KCNH3: variants seen among roughly 807,000 people sequenced by gnomAD.
The protein encoded by KCNH3 is voltage-gated inwardly rectifying potassium channel KCNH3.
Under a neutral mutation model 95.6 loss-of-function variants are expected in KCNH3, and 36 were observed. That is an observed-to-expected ratio of 0.38 (90% CI 0.29 to 0.50). The LOEUF (loss-of-function observed/expected upper bound fraction) is 0.50, where lower values mean the gene tolerates loss of function less well. Ranked by LOEUF, KCNH3 falls within the 20% of genes least tolerant of loss-of-function variation. KCNH3 has a pLI of 0.95. For synonymous variants in KCNH3, 620 were observed against 646.3 expected (o/e 0.96, Z 0.62); for missense variants, 1,030 against 1,484.1 (o/e 0.69, Z 5.03).
chr12:49,544,456 G>A, intron 7 of KCNH3, 74 bp downstream of exon 7: 2 of 1,436,272 alleles, frequency 1.4e-6, no homozygotes, highest in East Asian at 4.5e-5. Flanking sequence ...CGTGGGTGCA[G>A]ATGTGTGGTG....
At chr12:49,546,814 C>A (rs1938078083) in intron 7 of KCNH3, among the ~76,000 whole-genome samples, 1 of 152,242 alleles carries the variant, frequency 6.6e-6, no homozygotes, top group Non-Finnish European at 1.5e-5. Flanking sequence ...CCCACCTTCC[C>A]TATCCTGGGC....
At chr12:49,544,141 T>TACCAAACCAA in intron 6 of KCNH3, 34 bp from the exon 7 acceptor site, 2 of 1,413,416 alleles carry the variant, frequency 1.4e-6, no homozygotes, top group Non-Finnish European at 1.9e-6. Flanking sequence ...CCCGCTGACC[T>TACCAAACCAA]CCCTCCCTCC....
chr12:49,549,286 C>T, intron 8 of KCNH3, 113 bp downstream of exon 8: 2 of 1,459,172 alleles, frequency 1.4e-6, no homozygotes, highest in Non-Finnish European at 9.2e-7. Context: ...CTTTAGGTGG[C>T]CGCGGAACCC....
At chr12:49,541,576 C>T (rs963393126) in intron 2 of KCNH3, 54 bp from the exon 3 acceptor site, 3 of 1,592,200 alleles carry the variant, frequency 1.9e-6, no homozygotes, top group African/African-American at 2.7e-5. Context: ...GGGCCTCTGT[C>T]ACCTCAGGCA....
At chr12:49,550,872 A>T (rs542046150) in intron 10 of KCNH3, among the ~76,000 whole-genome samples, 5 of 152,308 alleles carry the variant, frequency 3.3e-5, no homozygotes, top group South Asian at 2.1e-4. Flanking sequence ...GAAAAGAAGG[A>T]GGTGAAAAAG....
intron 7 of KCNH3, among the ~76,000 whole-genome samples, chr12:49,546,462 C>T (rs1045853766): frequency 6.6e-6 from 1 of 152,118 alleles, no homozygotes; most frequent in Non-Finnish European, 1.5e-5. Context: ...GGGTGGGCAG[C>T]TGGCCCAGTT....
chr12:49,553,884 C>T (rs1310357165), intron 10 of KCNH3, among the ~76,000 whole-genome samples: 4 of 152,232 alleles, frequency 2.6e-5, no homozygotes, highest in African/African-American at 9.6e-5. Flanking sequence ...GGACAAGCTG[C>T]ATCTGAATCA....
chr12:49,548,078 G>A (rs901462736), intron 7 of KCNH3, among the ~76,000 whole-genome samples: 28 of 151,206 alleles, frequency 1.9e-4, no homozygotes, highest in Non-Finnish European at 3.2e-4. Context: ...TCCGTGGCCC[G>A]GTCTAGCCTG....
chr12:49,545,403 CTTTT>C (rs869243854), intron 7 of KCNH3, among the ~76,000 whole-genome samples: 3 of 117,472 alleles, frequency 2.6e-5, no homozygotes, highest in Non-Finnish European at 5.0e-5. Context: ...ATGCAGGTGG[CTTTT>C]TTTTTTTTTT....
chr12:49,554,513 G>C lies in KCNH3; in HGVS notation c.2095G>C (p.Glu699Gln). ...GCGCTTCAGTCGTGGCCTCCGAGGG[G>C]AGCTCAGCTACAACCTGGGTGCTGG... ...APRFSRGLRG[E>Q]LSYNLGAGGG... Residue 699 changes from glutamate (E) to glutamine (Q), a missense_variant, in exon 11 of 15, where the codon GAG becomes CAG. Physicochemically the swap from Glu to Gln is conservative, Grantham distance 29. Transcript: ENST00000257981. 1.9e-6 allele frequency: 3 copies of C among 1,613,622 alleles called. No homozygotes were observed. Among genetic ancestry groups the C allele is most frequent in the Non-Finnish European group, 2.5e-6 (3 of 1,179,874 alleles).
Position 49,542,836 on chromosome 12 carries a change from TA to T in KCNH3, c.578del (p.Lys193ArgfsTer15). 1 of 1,607,174 alleles carries T rather than the reference TA, an allele frequency of 6.2e-7. No homozygotes were observed. The highest frequency in any genetic ancestry group is 8.5e-7 in the Non-Finnish European group (1 of 1,177,894). ...KQPKGKHKLN[K>X]GVFGEKPNLP... ...AGCCCAAGGGCAAGCACAAGCTCAA[TA>T]AGGTGGGCTCAGCCCTGGGATGTGT... On this transcript the variant is annotated frameshift_variant and splice_region_variant, in exon 4 of 15. Transcript: ENST00000257981. LOFTEE classifies it high-confidence loss of function.
At position 49,539,394 on chromosome 12, in the gene KCNH3, GC is replaced by G; in HGVS notation, c.-22del. ...AGTCCCCGCACCCCGGAGGGATGGG[GC>G]GGGCAGCCGCGGGCGCCTAAGATGC... On this transcript the variant is annotated 5_prime_UTR_variant, in exon 1 of 15. An upstream open reading frame in the 5' UTR loses its in-frame stop. Transcript: ENST00000257981. The surrounding 1 kb of genome is among the most constrained non-coding windows in gnomAD (Gnocchi z 6.7). 1 of 1,520,204 alleles carries G rather than the reference GC, an allele frequency of 6.6e-7. No homozygotes were observed. Among genetic ancestry groups the G allele is most frequent in the Non-Finnish European group, 8.8e-7 (1 of 1,140,042 alleles). The allele number at this position is 1,520,204 out of a possible 1,614,324, so 94.2% of individuals were successfully genotyped here.
Position 49,557,200 on chromosome 12 carries a change from G to C in KCNH3, c.2593G>C (p.Val865Leu). Residue 865 changes from valine (V) to leucine (L), a missense_variant, in exon 14 of 15, where the codon GTT becomes CTT. Physicochemically the swap from Val to Leu is conservative, Grantham distance 32. Around this residue, in one of 9 missense-constraint regions of KCNH3, gnomAD observed 464 missense variants for 493.2 expected, o/e 0.94. Coordinates refer to ENST00000257981, the MANE Select transcript of KCNH3 (RefSeq NM_012284.3). ...SPGPESGLLTVPHGPSEARNT... is the reference protein window; with the variant it reads ...SPGPESGLLTLPHGPSEARNT... ...ACCCACAGAGAGCGGCCTGCTCACT[G>C]TTCCCCATGGGCCCAGCGAGGCAAG... 3.7e-6 allele frequency: 6 copies of C among 1,613,954 alleles called. No individual in the cohort carries two copies. Among genetic ancestry groups the C allele is most frequent in the Non-Finnish European group, 5.1e-6 (6 of 1,179,982 alleles).
At position 49,555,327 on chromosome 12, in the gene KCNH3, C is replaced by T. The variant is rs187299346; in HGVS notation, c.2137-293C>T. 1.4e-3 allele frequency among the ~76,000 whole-genome samples: 211 copies of T among 150,792 alleles called. 1 individual carries two copies. Among genetic ancestry groups the T allele is most frequent in the Admixed American group, 3.1e-3 (47 of 15,146 alleles). ...ATGAGCCGGGTGTGGTGGCGGGCGC[C>T]TGTAGTCCCAGCTACAGGCTGAGGC... On this transcript the variant is annotated intron_variant, in intron 11 of 14. Transcript: ENST00000257981.
chr12:49,552,286 C>T (rs1356499906), intron 10 of KCNH3, among the ~76,000 whole-genome samples: 1 of 152,194 alleles, frequency 6.6e-6, no homozygotes, highest in Non-Finnish European at 1.5e-5. Flanking sequence ...CCAGGCACCA[C>T]GTCTCAGAAT....
rs1937775828 is a variant in KCNH3 at position 49,539,099 on chromosome 12, G to A, written c.-318G>A. ...CGGCGCCGAGCGAAGCCGAGCGGAA[G>A]CCCACCCGCAGCCGACACGCGAGCC... is the stretch of plus-strand genomic sequence containing the variant. On this transcript the variant is annotated 5_prime_UTR_variant, in exon 1 of 15. Coordinates refer to ENST00000257981, the MANE Select transcript of KCNH3 (RefSeq NM_012284.3). This position sits in a 1 kb window ranked among gnomAD's most constrained non-coding sequence, Gnocchi z 6.7. 6.6e-6 allele frequency: 1 copy of A among 152,420 alleles called. No homozygotes were observed. The highest frequency in any genetic ancestry group is 1.5e-5 in the Non-Finnish European group (1 of 68,116). 9.4% of individuals were successfully genotyped at this position (152,420 alleles called of 1,614,324 possible).
Position 49,557,756 on chromosome 12 carries a change from C to T in KCNH3, c.3055C>T (p.Pro1019Ser), listed in dbSNP as rs1938526689. Residue 1019 changes from proline (P) to serine (S), a missense_variant, in exon 15 of 15, where the codon CCT (proline) becomes TCT (serine). Pro to Ser is a moderately conservative substitution (Grantham distance 74). Coordinates refer to ENST00000257981, the MANE Select transcript of KCNH3 (RefSeq NM_012284.3). Reference sequence around the variant, plus strand: ...TGAGCCCAGCACCCCTGCCTCCCCTCCTCCTTCTGAGGAAGGGGCTAGGAC... The same window carrying T: ...TGAGCCCAGCACCCCTGCCTCCCCTTCTCCTTCTGAGGAAGGGGCTAGGAC... The part of the protein sequence containing the change: ...CSEPSTPASP[P>S]PSEEGARTGP... The T allele has an allele frequency of 1.2e-6, 2 of 1,612,940 alleles. No homozygotes were observed. Among genetic ancestry groups the T allele is most frequent in the Non-Finnish European group, 1.7e-6 (2 of 1,179,622 alleles).
At chr12:49,549,203 G>A (rs1938170357) in intron 8 of KCNH3, 30 bp downstream of exon 8, 2 of 1,557,828 alleles carry the variant, frequency 1.3e-6, no homozygotes, top group Non-Finnish European at 8.7e-7. Flanking sequence ...TCTTCCCGGG[G>A]CCACTCCCAG....
rs1374384777 is a variant in KCNH3 at position 49,550,262 on chromosome 12, G to A, written c.1851G>A (p.Gln617=). The A allele has an allele frequency of 3.1e-6, 5 of 1,610,268 alleles. No individual in the cohort carries two copies. Among genetic ancestry groups the A allele is most frequent in the Admixed American group, 3.3e-5 (2 of 60,036 alleles). Residue 617 remains glutamine (Q), a synonymous_variant, in exon 10 of 15, where the codon CAG becomes CAA. Coordinates refer to ENST00000257981, the MANE Select transcript of KCNH3 (RefSeq NM_012284.3). The part of the protein sequence containing the change: ...EYLIHQGDAL[Q]ALYFVCSGSM... The stretch of plus-strand genomic sequence containing the variant: ...TCATCCACCAAGGCGATGCCCTGCA[G>A]GCCCTCTACTTTGTCTGCTCTGGCT...
Sources: gnomAD v4.1 joint callset for allele counts (sites outside exome capture counted in the v4.1 genomes callset) on GRCh38, gnomAD v4.1.1 for gene constraint, gnomAD v4.1.1 regional missense constraint, Gnocchi (gnomAD v3.1) non-coding constraint, MANE v1.5 for transcripts, NCBI Gene and HGNC (gene_info 2026-07-23, HGNC 2026-07-21) for gene names.